The following DIPK1B variants were observed in gnomAD, a reference collection of about 807,000 sequenced individuals.
The protein encoded by DIPK1B is family with sequence similarity 69 member B.
In DIPK1B, 17 loss-of-function variants were observed where a neutral mutation model predicts 20.7. The observed-to-expected ratio is 0.82, with a 90% confidence interval of 0.56 to 1.23. The LOEUF is 1.23. Among genes scored for constraint, DIPK1B ranks in the 50% most tolerant of loss-of-function variants. The pLI is 0.00. For synonymous variants in DIPK1B, 343 were observed against 276.5 expected, an observed-to-expected ratio of 1.24 and a Z score of -2.39; for missense variants, 648 against 601.8, an observed-to-expected ratio of 1.08 and a Z score of -0.80.
In DIPK1B at chr9:136,723,757, A is replaced by T; in HGVS notation, c.1279A>T (p.Asn427Tyr). Residue 427 changes from asparagine (N) to tyrosine (Y), a missense_variant, in exon 5 of 5, where the codon AAC (asparagine) becomes TAC (tyrosine). Coordinates refer to ENST00000371692, the MANE Select transcript of DIPK1B (RefSeq NM_152421.4). ...GACTCTGCTCTGGAAGAAGATCTCC[A>T]ACACCAAGTACTCTTGATGGGGCAG... ...LKTLLWKKIS[N>Y]TKYS 3 of 1,534,568 alleles carry T rather than the reference A, an allele frequency of 2.0e-6. No homozygotes were observed. The highest frequency in any genetic ancestry group is 2.6e-6 in the Non-Finnish European group (3 of 1,146,822).
intron 2 of DIPK1B, chr9:136,721,705 G>C: frequency 3.5e-6 from 2 of 569,102 alleles, no homozygotes; most frequent in Non-Finnish European, 6.3e-6. Flanking sequence ...GACGGGACCG[G>C]ACCGGAGGGT....
chr9:136,716,077 C>T (rs1657568100), intron 1 of DIPK1B, among the ~76,000 whole-genome samples: 1 of 151,896 alleles, frequency 6.6e-6, no homozygotes, highest in African/African-American at 2.4e-5. Flanking sequence ...GTGACGGGCT[C>T]GTTTCACTGA....
intron 2 of DIPK1B, among the ~76,000 whole-genome samples, chr9:136,718,481 C>T (rs1389035236): frequency 5.3e-5 from 8 of 152,178 alleles, no homozygotes; most frequent in Admixed American, 4.6e-4. Flanking sequence ...CCCCCTGCCC[C>T]TCTCCACACC....
intron 1 of DIPK1B, among the ~76,000 whole-genome samples, chr9:136,716,073 G>A (rs1846492317): frequency 6.6e-6 from 1 of 151,990 alleles, no homozygotes; most frequent in South Asian, 2.1e-4. Context: ...TTTGGTGACG[G>A]GCTCGTTTCA....
At position 136,724,132 on chromosome 9, in the gene DIPK1B, G is replaced by T; in HGVS notation, c.*358G>T. Reference sequence around the variant, plus strand: ...ACCCAGCCCAGGCACTCAGGCTGGGGTTGAGCCCCTGAATCCTTCCTGGCG... The same window carrying T: ...ACCCAGCCCAGGCACTCAGGCTGGGTTTGAGCCCCTGAATCCTTCCTGGCG... On this transcript the variant is annotated 3_prime_UTR_variant, in exon 5 of 5. Transcript: ENST00000371692. 3.6e-6 allele frequency: 1 copy of T among 274,942 alleles called. No homozygotes were observed. The highest frequency in any genetic ancestry group is 7.0e-6 in the Non-Finnish European group (1 of 142,384). 17.0% of individuals were successfully genotyped at this position (274,942 alleles called of 1,614,324 possible).
rs1405347408 is a variant in DIPK1B, at chr9:136,722,041, G to C, written c.306+13G>C. 6 of 1,613,282 alleles carry C rather than the reference G, an allele frequency of 3.7e-6. No individual in the cohort carries two copies. The highest frequency in any genetic ancestry group is 1.3e-5 in the African/African-American group (1 of 74,918). Reference sequence around the variant, plus strand: ...CCCGGGCCAGCAGGTATAGCCACTGGCAGGGCGGGTGGGCCTGGGGCTGAT... The same window carrying C: ...CCCGGGCCAGCAGGTATAGCCACTGCCAGGGCGGGTGGGCCTGGGGCTGAT... On this transcript the variant is annotated intron_variant, in intron 3 of 4. Transcript: ENST00000371692.
intron 2 of DIPK1B, among the ~76,000 whole-genome samples, chr9:136,718,483 C>T (rs1846537808): frequency 6.6e-6 from 1 of 152,206 alleles, no homozygotes; most frequent in Non-Finnish European, 1.5e-5. Context: ...CCCTGCCCCT[C>T]TCCACACCCT....
intron 1 of DIPK1B, among the ~76,000 whole-genome samples, chr9:136,716,796 G>A (rs544218395): frequency 3.9e-5 from 6 of 152,188 alleles, no homozygotes; most frequent in East Asian, 3.9e-4. Flanking sequence ...TGGTCCGGCC[G>A]GAACTTCCCA....
In DIPK1B at chr9:136,724,243, G is replaced by A. The variant is rs1014503424; in HGVS notation, c.*469G>A. On this transcript the variant is annotated 3_prime_UTR_variant, in exon 5 of 5. Coordinates refer to ENST00000371692, the MANE Select transcript of DIPK1B (RefSeq NM_152421.4). ...CCACACACACCTCTGAAGCCGCCAG[G>A]GCAGTTCCCCAAACACAGCGGCTTC... 6.6e-6 allele frequency among the ~76,000 whole-genome samples: 1 copy of A among 152,130 alleles called. No homozygotes were observed. Among genetic ancestry groups the A allele is most frequent in the East Asian group, 1.9e-4 (1 of 5,188 alleles).
At chr9:136,716,246 C>T (rs74905161) in intron 1 of DIPK1B, among the ~76,000 whole-genome samples, 1,746 of 148,016 alleles carry the variant, frequency 0.012, 35 homozygotes, top group African/African-American at 0.041. Context: ...TTGTGAACAT[C>T]GGTGTCTGAG....
chr9:136,716,071 C>CAA, intron 1 of DIPK1B, among the ~76,000 whole-genome samples: 1 of 152,064 alleles, frequency 6.6e-6, no homozygotes, highest in South Asian at 2.1e-4. Context: ...GCTTTGGTGA[C>CAA]GGGCTCGTTT....
rs1212662531 is a variant in DIPK1B at position 136,722,746 on chromosome 9, GGTCT to G, written c.484-210_484-207del. 8.1e-6 allele frequency: 5 copies of G among 613,640 alleles called. No individual in the cohort carries two copies. The Admixed American group carries it at 9.1e-5, about 11-fold the overall frequency. The allele number at this position is 613,640 out of a possible 1,614,324, so 38.0% of individuals were successfully genotyped here. A position where few individuals can be genotyped will look rare whatever the true frequency, so the allele number is the denominator to read the frequency against. ...CACCCAAGGCTGCCAGGAGGCGGGA[GGTCT>G]GTCTGGCAGCAGCCACACAGGCCAG... On this transcript the variant is annotated intron_variant, in intron 4 of 4. Transcript: ENST00000371692.
rs756972087 is a variant in DIPK1B at position 136,722,039 on chromosome 9, T to C, written c.306+11T>C. On this transcript the variant is annotated intron_variant, in intron 3 of 4. Coordinates refer to ENST00000371692, the MANE Select transcript of DIPK1B (RefSeq NM_152421.4). ...GCCCCGGGCCAGCAGGTATAGCCAC[T>C]GGCAGGGCGGGTGGGCCTGGGGCTG... is the stretch of plus-strand genomic sequence containing the variant. The C allele has an allele frequency of 2.5e-6, 4 of 1,610,644 alleles. No individual in the cohort carries two copies. The African/African-American group carries it at 4.0e-5, about 16-fold the overall frequency.
At position 136,722,163 on chromosome 9, in the gene DIPK1B, C is replaced by T. The variant is rs1419383776; in HGVS notation, c.345C>T (p.Ile115=). The part of the protein sequence containing the change: ...SGLWRDKDVT[I]KCGIEETLDS... ...TCTGGCGGGACAAGGATGTAACCAT[C>T]AAGTGTGGCATTGAGGAGACCCTCG... The change falls in exon 4 of 5, where the codon ATC becomes ATT. Residue 115 remains isoleucine, a synonymous_variant. Transcript: ENST00000371692. 1 of 1,614,024 alleles carries T rather than the reference C, an allele frequency of 6.2e-7. No individual in the cohort carries two copies. Among genetic ancestry groups the T allele is most frequent in the East Asian group, 2.2e-5 (1 of 44,886 alleles).
rs1282050303 is a variant in DIPK1B at position 136,723,297 on chromosome 9, G to T, written c.819G>T (p.Lys273Asn). The change falls in exon 5 of 5, where the codon AAG becomes AAT. Residue 273 changes from lysine (K) to asparagine (N), a missense_variant. By Grantham distance (94) the Lys-to-Asn change is moderately conservative. Coordinates refer to ENST00000371692, the MANE Select transcript of DIPK1B (RefSeq NM_152421.4). ...GGCCTGCGTGGCCTTGGCGGGCCAA[G>T]ATCGCCATCGGCCTGCTGGAGTTCG... Reference protein sequence around the residue: ...WLGPAWPWRAKIAIGLLEFVE... With the variant: ...WLGPAWPWRANIAIGLLEFVE... The T allele has an allele frequency of 6.2e-7, 1 of 1,612,692 alleles. No individual in the cohort carries two copies. The highest frequency in any genetic ancestry group is 2.2e-5 in the East Asian group (1 of 44,874).
chr9:136,718,130 G>C (rs1340030242), intron 2 of DIPK1B, among the ~76,000 whole-genome samples: 1 of 28,108 alleles, frequency 3.6e-5, no homozygotes, highest in African/African-American at 9.2e-5. Flanking sequence ...GGCCTCACTG[G>C]TCCAGGATAG....
intron 2 of DIPK1B, among the ~76,000 whole-genome samples, chr9:136,720,702 C>T (rs1022708009): frequency 2.0e-5 from 3 of 152,158 alleles, no homozygotes; most frequent in East Asian, 1.9e-4. Flanking sequence ...CCCAGGGGTC[C>T]GTTTTCTCAG....
intron 2 of DIPK1B, chr9:136,721,652 G>A: frequency 4.3e-6 from 2 of 467,794 alleles, no homozygotes; most frequent in Non-Finnish European, 3.9e-6. Context: ...TCCAGGCAGT[G>A]GCCTTTGCTG....
rs2131037911 is a variant in DIPK1B at position 136,712,708 on chromosome 9, C to G, written c.43C>G (p.Pro15Ala). 1 of 1,368,900 alleles carries G rather than the reference C, an allele frequency of 7.3e-7. No individual in the cohort carries two copies. The highest frequency in any genetic ancestry group is 1.5e-5 in the African/African-American group (1 of 65,820). 84.8% of individuals were successfully genotyped at this position (1,368,900 alleles called of 1,614,324 possible). A position where few individuals can be genotyped will look rare whatever the true frequency, so the allele number is the denominator to read the frequency against. Residue 15 changes from proline (P) to alanine (A), a missense_variant, in exon 1 of 5, where the codon CCC becomes GCC. By Grantham distance (27) the Pro-to-Ala change is conservative (BLOSUM62 -1). Coordinates refer to ENST00000371692, the MANE Select transcript of DIPK1B (RefSeq NM_152421.4). The surrounding 1 kb of genome is among the most constrained non-coding windows in gnomAD (Gnocchi z 5.6). ...RRLAHLVLFC[P>A]FSKRLQGRLP... The stretch of plus-strand genomic sequence containing the variant: ...CCTGGCGCACCTGGTGCTCTTCTGC[C>G]CCTTCTCCAAGCGCCTGCAGGTAAG...
Sources: gnomAD v4.1 joint callset for allele counts (sites outside exome capture counted in the v4.1 genomes callset) on GRCh38, gnomAD v4.1.1 for gene constraint, Gnocchi (gnomAD v3.1) non-coding constraint, MANE v1.5 for transcripts, NCBI Gene and HGNC (gene_info 2026-07-23, HGNC 2026-07-21) for gene names.